PPP1R12B: variants seen among roughly 807,000 people sequenced by gnomAD.
The protein encoded by PPP1R12B is protein phosphatase 1 regulatory subunit 12B, also known as myosin phosphatase target subunit 2.
In PPP1R12B, 76 loss-of-function variants were observed where a neutral mutation model predicts 126.1. The ratio of observed to expected loss-of-function variants is 0.60; its 90% CI spans 0.50 to 0.73. The LOEUF is 0.73. Among genes scored for constraint, PPP1R12B ranks in the 30% least tolerant of loss-of-function variants. The probability of loss-of-function intolerance (pLI) is 0.00; values close to 1 mark genes in which losing one functional copy is unlikely to be tolerated. For synonymous variants in PPP1R12B, 356 were observed against 434.7 expected (o/e 0.82, Z 2.25); for missense variants, 1,052 against 1,205.1 (o/e 0.87, Z 1.88).
intron 13 of PPP1R12B, among the ~76,000 whole-genome samples, chr1:202,449,822 G>C (rs1167831689): frequency 2.6e-5 from 4 of 151,694 alleles, no homozygotes; most frequent in African/African-American, 9.7e-5. Context: ...GAGTAGCTGG[G>C]ACTACAGCTA....
chr1:202,453,160 A>AC (rs572535195), intron 13 of PPP1R12B, among the ~76,000 whole-genome samples: 231 of 152,122 alleles, frequency 1.5e-3, no homozygotes, highest in Non-Finnish European at 2.7e-3. Flanking sequence ...TTCCTTCTGT[A>AC]CCCAGTTTTT....
intron 1 of PPP1R12B, among the ~76,000 whole-genome samples, chr1:202,398,947 ATTATT>A (rs984982032): frequency 8.5e-5 from 13 of 152,194 alleles, no homozygotes; most frequent in Middle Eastern, 3.4e-3. Context: ...TTCACATTTC[ATTATT>A]TTATTTCCTT....
rs199650398 is a variant in PPP1R12B at position 202,580,480 on chromosome 1, A to G, written c.2869A>G (p.Thr957Ala). 6.2e-7 allele frequency: 1 copy of G among 1,613,512 alleles called. No individual in the cohort carries two copies. The change falls in exon 24 of 24, where the codon ACA becomes GCA. Residue 957 changes from threonine to alanine, a missense_variant. Transcript: ENST00000608999. ...TCCCTCTGTCACCCTACAGGTGTTA[A>G]CAGAACTGAAATCCGACAACCAGAG... Reference protein sequence around the residue: ...SEMEEEMKVLTELKSDNQRLK... With the variant: ...SEMEEEMKVLAELKSDNQRLK...
intron 13 of PPP1R12B, among the ~76,000 whole-genome samples, chr1:202,479,191 T>C (rs561422797): frequency 6.6e-6 from 1 of 152,290 alleles, no homozygotes; most frequent in East Asian, 1.9e-4. Context: ...GACACACGTA[T>C]TGGAATTCCA....
At chr1:202,540,026 G>A in intron 18 of PPP1R12B, 1 of 1,383,926 alleles carries the variant, frequency 7.2e-7, no homozygotes, top group Non-Finnish European at 9.5e-7. Context: ...TCTATCCAAA[G>A]TCATCTTGCA....
At chr1:202,404,780 C>T (rs1456380637) in intron 1 of PPP1R12B, among the ~76,000 whole-genome samples, 17 of 152,302 alleles carry the variant, frequency 1.1e-4, no homozygotes, top group African/African-American at 3.4e-4. Flanking sequence ...GGATTACAGG[C>T]GTGAGCCACC....
chr1:202,397,563 C>T (rs1665171100), intron 1 of PPP1R12B, among the ~76,000 whole-genome samples: 1 of 152,138 alleles, frequency 6.6e-6, no homozygotes, highest in South Asian at 2.1e-4. Context: ...CCTTAGAGGA[C>T]TTTTGGGAAG....
In PPP1R12B at chr1:202,456,268, C is replaced by CA. The variant is rs549174599; in HGVS notation, c.1850+7109dup. On this transcript the variant is annotated intron_variant, in intron 13 of 23. Coordinates refer to ENST00000608999, the MANE Select transcript of PPP1R12B (RefSeq NM_002481.4). ...TGGGCGACAGAGCAAGAATCCGTCT[C>CA]AAAAAAAAAAAAGAAAGAAAGAAAG... Among the ~76,000 whole-genome samples, 197 of 110,996 alleles carry CA rather than the reference C, an allele frequency of 1.8e-3. 1 individual carries two copies. Among genetic ancestry groups the CA allele is most frequent in the Middle Eastern group, 4.9e-3 (1 of 204 alleles). The allele number at this position is 110,996 out of a possible 152,430, so 72.8% of individuals were successfully genotyped here.
intron 1 of PPP1R12B, among the ~76,000 whole-genome samples, chr1:202,373,976 C>T (rs1039995089): frequency 1.3e-5 from 2 of 151,562 alleles, no homozygotes; most frequent in African/African-American, 4.9e-5. Context: ...TTTTTGATAC[C>T]CTTGATTATA....
At chr1:202,396,184 G>T (rs1272085723) in intron 1 of PPP1R12B, among the ~76,000 whole-genome samples, 40 of 152,140 alleles carry the variant, frequency 2.6e-4, no homozygotes, top group Admixed American at 2.6e-3. Flanking sequence ...CATGAGACTT[G>T]TGAAAGTCTC....
rs570553333 is a variant in PPP1R12B at position 202,540,747 on chromosome 1, T to C, written c.2491-18130T>C. ...GTAGAGTATGCTTTTGCCTATTTTG[T>C]ATGTCTGTCTGTGAGAAAGACCAAA... On this transcript the variant is annotated intron_variant, in intron 18 of 23. Coordinates refer to ENST00000608999, the MANE Select transcript of PPP1R12B (RefSeq NM_002481.4). Among the ~76,000 whole-genome samples the C allele has an allele frequency of 1.9e-4, 29 of 152,354 alleles. No homozygotes were observed. The Middle Eastern group carries it at 0.014, about 71-fold the overall frequency.
intron 13 of PPP1R12B, among the ~76,000 whole-genome samples, chr1:202,483,596 C>G (rs187797866): frequency 6.6e-6 from 1 of 152,008 alleles, no homozygotes; most frequent in Non-Finnish European, 1.5e-5. Flanking sequence ...TTTACTGAAG[C>G]TAGAGGCAAG....
rs1689507674 is a variant in PPP1R12B at position 202,580,823 on chromosome 1, T to C, written c.*263T>C. ...AATTCGAGCCATCTGGAGAATGCTC[T>C]GGGGAGTACACCAGGCTCAGCTGTG... On this transcript the variant is annotated 3_prime_UTR_variant, in exon 24 of 24. Coordinates refer to ENST00000608999, the MANE Select transcript of PPP1R12B (RefSeq NM_002481.4). 7.3e-6 allele frequency: 3 copies of C among 409,648 alleles called. No homozygotes were observed. Among genetic ancestry groups the C allele is most frequent in the Admixed American group, 7.1e-5 (2 of 28,290 alleles). The allele number at this position is 409,648 out of a possible 1,614,324, so 25.4% of individuals were successfully genotyped here. A position where few individuals can be genotyped will look rare whatever the true frequency, so the allele number is the denominator to read the frequency against.
At position 202,540,209 on chromosome 1, in the gene PPP1R12B, G is replaced by A. The variant is rs773694431; in HGVS notation, c.2491-18668G>A. ...GAAATCTCAGTCTGATTCTCCCCCAGCATCTCCCTCCCCGACTGCCAAGAC... is the reference window on the plus strand; with the variant it reads ...GAAATCTCAGTCTGATTCTCCCCCAACATCTCCCTCCCCGACTGCCAAGAC... On this transcript the variant is annotated intron_variant, in intron 18 of 23. Transcript: ENST00000608999. 2.5e-5 allele frequency: 41 copies of A among 1,610,046 alleles called. No individual in the cohort carries two copies. The Middle Eastern group carries it at 1.8e-3, about 71-fold the overall frequency.
At chr1:202,467,267 A>G (rs984250848) in intron 13 of PPP1R12B, among the ~76,000 whole-genome samples, 1 of 150,920 alleles carries the variant, frequency 6.6e-6, no homozygotes, top group African/African-American at 2.4e-5. Flanking sequence ...GTACATGTGC[A>G]GAACGTACAG....
chr1:202,350,821 A>G (rs374981208), intron 1 of PPP1R12B, among the ~76,000 whole-genome samples: 4 of 151,970 alleles, frequency 2.6e-5, no homozygotes, highest in South Asian at 4.1e-4. Context: ...GGCTTTCACC[A>G]TGATGACCAG....
At chr1:202,515,082 A>G (rs1198711159) in intron 18 of PPP1R12B, among the ~76,000 whole-genome samples, 1 of 152,224 alleles carries the variant, frequency 6.6e-6, no homozygotes, top group Non-Finnish European at 1.5e-5. Flanking sequence ...TATAAGTGGA[A>G]GCTAAGTGAT....
chr1:202,401,769 T>C (rs1665877874), intron 1 of PPP1R12B, among the ~76,000 whole-genome samples: 1 of 152,104 alleles, frequency 6.6e-6, no homozygotes, highest in African/African-American at 2.4e-5. Context: ...TCAGACTCTT[T>C]TGCCTATACA....
At chr1:202,530,541 G>A (rs1245833238) in intron 18 of PPP1R12B, among the ~76,000 whole-genome samples, 1 of 152,154 alleles carries the variant, frequency 6.6e-6, no homozygotes, top group Admixed American at 6.5e-5. Context: ...TTTGCAGAAT[G>A]ATTTTCTTAA....
Sources: gnomAD v4.1 joint callset for allele counts (sites outside exome capture counted in the v4.1 genomes callset) on GRCh38, gnomAD v4.1.1 for gene constraint, MANE v1.5 for transcripts, NCBI Gene and HGNC (gene_info 2026-07-23, HGNC 2026-07-21) for gene names.